Variants in MOBP observed in about 807,000 individuals in gnomAD.
The protein encoded by MOBP is myelin-associated oligodendrocyte basic protein.
MOBP carries 5 observed loss-of-function variants against 15.0 expected under a neutral mutation model. The observed-to-expected ratio is 0.33, with a 90% confidence interval of 0.17 to 0.70. The LOEUF is 0.70. Among genes scored for constraint, MOBP ranks in the 30% least tolerant of loss-of-function variants. The probability of loss-of-function intolerance (pLI) is 0.67; values close to 1 mark genes in which losing one functional copy is unlikely to be tolerated. For missense variants in MOBP, 188 were observed against 257.8 expected, an observed-to-expected ratio of 0.73 and a Z score of 1.85; for synonymous variants, 88 against 99.0, an observed-to-expected ratio of 0.89 and a Z score of 0.66.
At chr3:39,497,985 T>C (rs1328199175) in intron 2 of MOBP, among the ~76,000 whole-genome samples, 1 of 152,226 alleles carries the variant, frequency 6.6e-6, no homozygotes, top group African/African-American at 2.4e-5. Flanking sequence ...TGTCTGTGAT[T>C]GACTAAAACT....
chr3:39,501,515 G>A (rs2042969463), intron 2 of MOBP, among the ~76,000 whole-genome samples: 5 of 152,172 alleles, frequency 3.3e-5, no homozygotes, highest in Admixed American at 3.3e-4. Flanking sequence ...AGTTTTGCCT[G>A]TTCTTGAACC....
intron 1 of MOBP, among the ~76,000 whole-genome samples, chr3:39,475,442 C>T (rs1300107374): frequency 6.6e-6 from 1 of 152,102 alleles, no homozygotes; most frequent in Non-Finnish European, 1.5e-5. Flanking sequence ...TACACTTTCA[C>T]CTACTAATTT....
downstream of MOBP, among the ~76,000 whole-genome samples, chr3:39,503,746 G>T (rs975635601): frequency 9.2e-5 from 14 of 151,952 alleles, no homozygotes; most frequent in Non-Finnish European, 1.9e-4. Flanking sequence ...AACTGAATCT[G>T]TTTATAAGTT....
chr3:39,503,660 T>TTATTATTTATG (rs869264971), downstream of MOBP, among the ~76,000 whole-genome samples: 1 of 142,558 alleles, frequency 7.0e-6, no homozygotes, highest in Non-Finnish European at 1.5e-5. Flanking sequence ...GGCCAATTTT[T>TTATTATTTATG]TATTTATTTA....
At chr3:39,477,729 A>T (rs1300512720) in intron 1 of MOBP, among the ~76,000 whole-genome samples, 4 of 151,838 alleles carry the variant, frequency 2.6e-5, no homozygotes, top group Admixed American at 6.6e-5. Context: ...TCCCTGAAGA[A>T]CTTCCAGTGG....
At chr3:39,503,128 AT>A (rs973151003), downstream of MOBP, 54 of 463,258 alleles carry the variant, frequency 1.2e-4, no homozygotes, top group African/African-American at 8.7e-4. Flanking sequence ...GAAGTTGTTA[AT>A]CTATCAATTG....
chr3:39,468,992 GTGTGTGTATATATACATATATACATA>G (rs1559411836), intron 1 of MOBP, among the ~76,000 whole-genome samples: 2 of 99,964 alleles, frequency 2.0e-5, no homozygotes, highest in Non-Finnish European at 3.4e-5. Context: ...ATATACATAT[GTGTGTGTATATATACATATATACATA>G]TGTGTGTATA....
chr3:39,493,421 C>T (rs770334347), intron 2 of MOBP, among the ~76,000 whole-genome samples: 10 of 151,148 alleles, frequency 6.6e-5, no homozygotes, highest in Non-Finnish European at 1.3e-4. Context: ...AGTTTTAGAA[C>T]TTTCAAGGTT....
intron 2 of MOBP, among the ~76,000 whole-genome samples, chr3:39,498,882 C>T (rs1006555278): frequency 6.6e-6 from 1 of 152,090 alleles, no homozygotes; most frequent in African/African-American, 2.4e-5. Flanking sequence ...TGCAGATGGG[C>T]ATACAGTGAC....
At chr3:39,527,705 C>T (rs1191905792), downstream of MOBP, 3 of 152,272 alleles carry the variant, frequency 2.0e-5, no homozygotes, top group Non-Finnish European at 4.4e-5. Context: ...GTGATCCACC[C>T]ACCTGGGCCT....
At chr3:39,492,408 A>G (rs1435700533) in intron 2 of MOBP, among the ~76,000 whole-genome samples, 1 of 152,124 alleles carries the variant, frequency 6.6e-6, no homozygotes, top group Non-Finnish European at 1.5e-5. Context: ...CATGTTAGGG[A>G]ACTGAACTCT....
At position 39,481,754 on chromosome 3, in the gene MOBP, A is replaced by C. The variant is rs1037071799; in HGVS notation, c.-5+1631A>C. On this transcript the variant is annotated intron_variant, in intron 2 of 3. Coordinates refer to ENST00000684792, the MANE Select transcript of MOBP (RefSeq NM_001393704.1). ...TCTGTTTCAACAACTCCATGGAATC[A>C]ACTCTTACTAAAGCCACCAATTATT... 1.7e-4 allele frequency among the ~76,000 whole-genome samples: 26 copies of C among 152,218 alleles called. 1 individual carries two copies. Among genetic ancestry groups the C allele is most frequent in the Non-Finnish European group, 2.9e-5 (2 of 68,038 alleles).
chr3:39,499,893 T>G (rs1267287455), intron 2 of MOBP: 2 of 401,212 alleles, frequency 5.0e-6, no homozygotes, highest in Non-Finnish European at 1.0e-5. Flanking sequence ...AGCCCTCATC[T>G]TTGGCCAGAT....
At chr3:39,517,325 C>A (rs2043215805), downstream of MOBP, among the ~76,000 whole-genome samples, 1 of 152,142 alleles carries the variant, frequency 6.6e-6, no homozygotes, top group Admixed American at 6.5e-5. Context: ...TCATGACCCC[C>A]ATGGCCACTG....
intron 4 of MOBP, among the ~76,000 whole-genome samples, chr3:39,510,118 G>T (rs1481910810): frequency 6.6e-6 from 1 of 151,878 alleles, no homozygotes; most frequent in African/African-American, 2.4e-5. Context: ...TTGCAATTTG[G>T]CCAAAAATCA....
In MOBP at chr3:39,502,153, G is replaced by T; in HGVS notation, c.84G>T (p.Pro28=). 1.2e-6 allele frequency: 2 copies of T among 1,614,216 alleles called. No homozygotes were observed. Among genetic ancestry groups the T allele is most frequent in the Non-Finnish European group, 8.5e-7 (1 of 1,180,036 alleles). ...AACACTTCAGCATACACTGCTGCCC[G>T]CCGTTCACCTTCCTCAATTCCAAGA... ...YSEHFSIHCC[P]PFTFLNSKKE... Residue 28 remains proline, a synonymous_variant, in exon 3 of 4, where the codon CCG becomes CCT. Transcript: ENST00000684792. The surrounding 1 kb of genome is among the most constrained non-coding windows in gnomAD (Gnocchi z 6.3).
At chr3:39,522,398 A>G (rs924924407) in intron 3 of MOBP, among the ~76,000 whole-genome samples, 69 of 152,216 alleles carry the variant, frequency 4.5e-4, no homozygotes, top group African/African-American at 1.6e-3. Context: ...TGTAAACCTC[A>G]TAAGAGCAAG....
chr3:39,510,312 G>A (rs945746431), intron 4 of MOBP, among the ~76,000 whole-genome samples: 3 of 151,898 alleles, frequency 2.0e-5, no homozygotes, highest in Non-Finnish European at 2.9e-5. Flanking sequence ...AAAATTATTC[G>A]AGTTTTTTTA....
chr3:39,510,578 A>G (rs543382928), intron 4 of MOBP, among the ~76,000 whole-genome samples: 7 of 152,308 alleles, frequency 4.6e-5, no homozygotes, highest in African/African-American at 1.7e-4. Context: ...CAAAAATAGC[A>G]TTCTTTTTCA....
Sources: allele counts gnomAD v4.1 joint callset (sites outside exome capture counted in the v4.1 genomes callset), GRCh38; gene constraint gnomAD v4.1.1; non-coding constraint Gnocchi (gnomAD v3.1); transcripts MANE v1.5; gene names NCBI Gene and HGNC (gene_info 2026-07-23, HGNC 2026-07-21).